Variants in SPATA22 observed in about 807,000 individuals in gnomAD.
SPATA22 encodes the protein spermatogenesis-associated protein 22.
In SPATA22, 29 loss-of-function variants were observed where a neutral mutation model predicts 47.8. That is an observed-to-expected ratio of 0.61 (90% CI 0.45 to 0.83). SPATA22 has a LOEUF of 0.83. Among genes scored for constraint, SPATA22 ranks in the 40% least tolerant of loss-of-function variants. The pLI, the probability that SPATA22 is intolerant of heterozygous loss-of-function variation, is 0.00. For synonymous variants in SPATA22, 133 were observed against 140.9 expected, an observed-to-expected ratio of 0.94 and a Z score of 0.40; for missense variants, 410 against 421.7, an observed-to-expected ratio of 0.97 and a Z score of 0.24.
chr17:3,478,524 T>C (rs527337757), intron 1 of SPATA22, among the ~76,000 whole-genome samples: 9 of 152,228 alleles, frequency 5.9e-5, no homozygotes, highest in African/African-American at 2.2e-4. Context: ...CTAACTTCTA[T>C]ATTACAAGTA....
chr17:3,465,357 G>C (rs2073275463), intron 3 of SPATA22, among the ~76,000 whole-genome samples: 1 of 152,054 alleles, frequency 6.6e-6, no homozygotes, highest in Non-Finnish European at 1.5e-5. Flanking sequence ...GTGGGGAAAA[G>C]ATTGAGAAAT....
At chr17:3,476,490 T>C (rs2073525666), upstream of SPATA22, 1 of 1,151,706 alleles carries the variant, frequency 8.7e-7, no homozygotes, top group African/African-American at 1.5e-5. Flanking sequence ...CAGATGATAA[T>C]TCATGTCCGT....
Position 3,469,367 on chromosome 17 carries a change from CA to C in SPATA22, c.-43del. 6.8e-7 allele frequency: 1 copy of C among 1,477,916 alleles called. No individual in the cohort carries two copies. 91.6% of individuals were successfully genotyped at this position (1,477,916 alleles called of 1,614,324 possible). A position where few individuals can be genotyped will look rare whatever the true frequency, so the allele number is the denominator to read the frequency against. On this transcript the variant is annotated 5_prime_UTR_variant, in exon 2 of 9. It introduces an in-frame stop codon into an upstream open reading frame of the 5' UTR. Coordinates refer to ENST00000572969, the MANE Select transcript of SPATA22 (RefSeq NM_001170698.2). ...ATCTATAATTTTCTATTCAGCATTC[CA>C]AATTTATAATATGACATTGTCCCAC...
intron 3 of SPATA22, among the ~76,000 whole-genome samples, chr17:3,464,701 G>A (rs1418088245): frequency 6.7e-6 from 1 of 149,302 alleles, no homozygotes; most frequent in Non-Finnish European, 1.5e-5. Flanking sequence ...GAGCGTCTCT[G>A]CCCAGCCGCC....
chr17:3,507,152 C>T (rs1009942982), intron 1 of SPATA22, among the ~76,000 whole-genome samples: 1 of 151,998 alleles, frequency 6.6e-6, no homozygotes. Context: ...AGGGATAAAA[C>T]CTACTACAGC....
chr17:3,463,908 A>ATCCTCTCCCTCT (rs2073193814), intron 3 of SPATA22, among the ~76,000 whole-genome samples: 1 of 113,894 alleles, frequency 8.8e-6, no homozygotes. Context: ...AAAAACACTG[A>ATCCTCTCCCTCT]TCCTCTCCCT....
intron 3 of SPATA22, among the ~76,000 whole-genome samples, chr17:3,463,999 CCTCT>C (rs1006400336): frequency 5.4e-5 from 8 of 147,278 alleles, no homozygotes; most frequent in African/African-American, 1.8e-4. Flanking sequence ...TCTCCCTCTC[CCTCT>C]GTTTCCACGG....
intron 1 of SPATA22, among the ~76,000 whole-genome samples, chr17:3,484,774 C>A (rs2073690660): frequency 6.6e-6 from 1 of 152,156 alleles, no homozygotes; most frequent in Admixed American, 6.5e-5. Context: ...CAGCAGCAGA[C>A]AATTGGTGGA....
At chr17:3,465,155 G>T (rs1171410052) in intron 3 of SPATA22, among the ~76,000 whole-genome samples, 1 of 75,682 alleles carries the variant, frequency 1.3e-5, no homozygotes, top group Non-Finnish European at 2.7e-5. Context: ...GGAGGGAGGT[G>T]GGGGGGTCAG....
chr17:3,447,799 G>A (rs939030490), intron 6 of SPATA22, among the ~76,000 whole-genome samples: 4 of 152,128 alleles, frequency 2.6e-5, no homozygotes, highest in Non-Finnish European at 5.9e-5. Context: ...ATTTAAGACA[G>A]GAGAAAGTGA....
intron 1 of SPATA22, among the ~76,000 whole-genome samples, chr17:3,491,997 C>A (rs1352625560): frequency 6.6e-6 from 1 of 151,432 alleles, no homozygotes; most frequent in African/African-American, 2.4e-5. Context: ...CCCACCCAGC[C>A]TCCTGAGTTG....
upstream of SPATA22, among the ~76,000 whole-genome samples, chr17:3,473,109 TAAA>T (rs34905771): frequency 4.0e-3 from 520 of 129,330 alleles, 5 homozygotes; most frequent in African/African-American, 0.014. Context: ...GATTTTTCAT[TAAA>T]AAAAAAAAAA....
upstream of SPATA22, among the ~76,000 whole-genome samples, chr17:3,474,733 G>A (rs2073496489): frequency 6.6e-6 from 1 of 152,204 alleles, no homozygotes; most frequent in Non-Finnish European, 1.5e-5. Context: ...TTTCCACCAT[G>A]TATTTGGTTT....
chr17:3,454,635 T>A (rs1181147165), intron 5 of SPATA22, among the ~76,000 whole-genome samples: 3 of 152,136 alleles, frequency 2.0e-5, no homozygotes, highest in African/African-American at 7.2e-5. Flanking sequence ...GAACTCATCA[T>A]TTTTTATGGC....
At chr17:3,465,056 G>A (rs112175816) in intron 3 of SPATA22, among the ~76,000 whole-genome samples, 30,264 of 118,654 alleles carry the variant, frequency 0.26, 5,420 homozygotes, top group East Asian at 0.45. Flanking sequence ...CGCCCCGTCC[G>A]GGAGGGAGGT....
chr17:3,456,264 T>G (rs1435415361), intron 5 of SPATA22, among the ~76,000 whole-genome samples: 1 of 150,976 alleles, frequency 6.6e-6, no homozygotes, highest in East Asian at 1.9e-4. Flanking sequence ...CAGGAGCTGG[T>G]TTTCTGAAAG....
intron 3 of SPATA22, among the ~76,000 whole-genome samples, chr17:3,465,567 G>A (rs2073283349): frequency 6.6e-6 from 1 of 151,464 alleles, no homozygotes; most frequent in Middle Eastern, 3.2e-3. Flanking sequence ...TTGTTAAACA[G>A]ATGCTTGAAG....
At chr17:3,498,747 A>T in intron 1 of SPATA22, 2 of 751,212 alleles carry the variant, frequency 2.7e-6, no homozygotes, top group East Asian at 2.9e-5. Flanking sequence ...CAGTCAGATC[A>T]CTTGCCTGCA....
At position 3,490,216 on chromosome 17, in the gene SPATA22, A is replaced by G. The variant is rs867733491; in HGVS notation, c.-73-20818T>C. 2.0e-4 allele frequency among the ~76,000 whole-genome samples: 31 copies of G among 152,328 alleles called. No homozygotes were observed. The highest frequency in any genetic ancestry group is 6.7e-4 in the African/African-American group (28 of 41,572). On this transcript the variant is annotated intron_variant, in intron 1 of 8. Coordinates refer to the SPATA22 transcript ENST00000541913. This position sits in a 1 kb window ranked among gnomAD's most constrained non-coding sequence, Gnocchi z 4.6. ...GCTAATTTTGTCTTAATTATATTCA[A>G]TAAGAATAATGTATTTATGTATTAT...
Sources: gnomAD v4.1 joint callset for allele counts (sites outside exome capture counted in the v4.1 genomes callset) on GRCh38, gnomAD v4.1.1 for gene constraint, Gnocchi (gnomAD v3.1) non-coding constraint, MANE v1.5 for transcripts, NCBI Gene and HGNC (gene_info 2026-07-23, HGNC 2026-07-21) for gene names.